CKAP2L: variants seen among roughly 807,000 people sequenced by gnomAD.
CKAP2L encodes the protein cytoskeleton associated protein 2L.
CKAP2L carries 42 observed loss-of-function variants against 65.7 expected under a neutral mutation model. The observed-to-expected ratio is 0.64, with a 90% CI of 0.50 to 0.83. The LOEUF is 0.83. CKAP2L is among the 40% of genes least tolerant of loss of function. CKAP2L has a pLI of 0.00. For synonymous variants in CKAP2L, 325 were observed against 313.5 expected (o/e 1.04, Z -0.39); for missense variants, 908 against 871.0 (o/e 1.04, Z -0.53).
intron 6 of CKAP2L, among the ~76,000 whole-genome samples, chr2:112,746,081 A>G (rs1289498707): frequency 6.6e-6 from 1 of 152,236 alleles, no homozygotes; most frequent in Non-Finnish European, 1.5e-5. Context: ...CATTATGGAA[A>G]AAGGTATCAC....
intron 4 of CKAP2L, among the ~76,000 whole-genome samples, chr2:112,755,098 T>C (rs529007997): frequency 9.2e-5 from 14 of 152,302 alleles, no homozygotes; most frequent in African/African-American, 3.1e-4. Context: ...TTAGCAACCA[T>C]CTAATTTTAC....
intron 6 of CKAP2L, among the ~76,000 whole-genome samples, chr2:112,745,448 C>T (rs184853143): frequency 1.6e-4 from 24 of 151,102 alleles, no homozygotes; most frequent in African/African-American, 5.8e-4. Flanking sequence ...GGCCCGATCT[C>T]GGCTCACTGC....
At chr2:112,749,495 T>C (rs2104872859) in intron 5 of CKAP2L, among the ~76,000 whole-genome samples, 1 of 152,304 alleles carries the variant, frequency 6.6e-6, no homozygotes, top group African/African-American at 2.4e-5. Context: ...TTGGAACATT[T>C]ACCAAGAATG....
chr2:112,762,797 T>G (rs546480530), intron 1 of CKAP2L, among the ~76,000 whole-genome samples: 1 of 152,134 alleles, frequency 6.6e-6, no homozygotes, highest in South Asian at 2.1e-4. Flanking sequence ...TTTTTTTTTT[T>G]TTTTGAGACA....
chr2:112,739,398 G>A (rs923809022), intron 8 of CKAP2L, among the ~76,000 whole-genome samples: 1 of 152,134 alleles, frequency 6.6e-6, no homozygotes, highest in African/African-American at 2.4e-5. Flanking sequence ...TCCAGTCTGG[G>A]CAACATGGCA....
chr2:112,758,857 T>C (rs772727028), intron 3 of CKAP2L, among the ~76,000 whole-genome samples: 4 of 152,182 alleles, frequency 2.6e-5, no homozygotes, highest in Non-Finnish European at 5.9e-5. Flanking sequence ...TTCATCACCC[T>C]AGAAAGAAAC....
chr2:112,746,151 T>G (rs1680192569), intron 6 of CKAP2L, among the ~76,000 whole-genome samples: 1 of 152,162 alleles, frequency 6.6e-6, no homozygotes, highest in African/African-American at 2.4e-5. Context: ...ATAAAACTAT[T>G]TGATGCAGTT....
Position 112,738,573 on chromosome 2 carries a change from G to A in CKAP2L, c.*250C>T. 1 of 491,614 alleles carries A rather than the reference G, an allele frequency of 2.0e-6. No homozygotes were observed. Among genetic ancestry groups the A allele is most frequent in the Non-Finnish European group, 3.6e-6 (1 of 276,770 alleles). 30.5% of individuals were successfully genotyped at this position (491,614 alleles called of 1,614,324 possible). A position where few individuals can be genotyped will look rare whatever the true frequency, so the allele number is the denominator to read the frequency against. ...TAAAGTATAAATATTTATCATAGTTGTAGGGTAAATATTCAAAAGTTTGAA... is the reference window on the plus strand; with the variant it reads ...TAAAGTATAAATATTTATCATAGTTATAGGGTAAATATTCAAAAGTTTGAA... On this transcript the variant is annotated 3_prime_UTR_variant, in exon 9 of 9. Coordinates refer to ENST00000302450, the MANE Select transcript of CKAP2L (RefSeq NM_152515.5).
chr2:112,755,996 C>T lies in CKAP2L; in HGVS notation c.1375G>A (p.Ala459Thr). Residue 459 changes from alanine (A) to threonine (T), a missense_variant, in exon 4 of 9, where the codon GCA (alanine) becomes ACA (threonine). Physicochemically the swap from Ala to Thr is moderately conservative, Grantham distance 58. Transcript: ENST00000302450. Reference protein sequence around the residue: ...TQTNPNIKKKATAEDRRKQLE... With the variant: ...TQTNPNIKKKTTAEDRRKQLE... ...AAGTACCTTCGATCCTCTGCTGTTGCCTTCTTTTTAATATTTGGGTTTGTT... is the reference window on the plus strand; with the variant it reads ...AAGTACCTTCGATCCTCTGCTGTTGTCTTCTTTTTAATATTTGGGTTTGTT... 1.3e-6 allele frequency: 2 copies of T among 1,586,906 alleles called. No individual in the cohort carries two copies. The highest frequency in any genetic ancestry group is 2.2e-5 in the East Asian group (1 of 44,654).
intron 8 of CKAP2L, 52 bp downstream of exon 8, chr2:112,740,766 T>G (rs982834496): frequency 1.4e-6 from 2 of 1,452,450 alleles, no homozygotes; most frequent in Non-Finnish European, 1.9e-6. Context: ...AAATCGAGAC[T>G]TGGACTAGAA....
chr2:112,739,936 G>A (rs1370182191), intron 8 of CKAP2L, among the ~76,000 whole-genome samples: 1 of 152,034 alleles, frequency 6.6e-6, no homozygotes, highest in Non-Finnish European at 1.5e-5. Flanking sequence ...TTACAGGCAT[G>A]AGCCACCATG....
In CKAP2L at chr2:112,741,006, C is replaced by T; in HGVS notation, c.1824G>A (p.Gly608=). The T allele has an allele frequency of 1.2e-6, 2 of 1,601,742 alleles. No homozygotes were observed. The highest frequency in any genetic ancestry group is 1.7e-6 in the Non-Finnish European group (2 of 1,169,778). ...ILQDSNRTTE[G]ITSDSLVAET... ...CAGCAACTAAAGAGTCAGAAGTAAT[C>T]CCTGTGTATGTAAGATCATGAAGGA... The change falls in exon 8 of 9, where the codon GGG becomes GGA. Residue 608 remains glycine (G), a splice_region_variant and synonymous_variant. Coordinates refer to ENST00000302450, the MANE Select transcript of CKAP2L (RefSeq NM_152515.5).
intron 3 of CKAP2L, 127 bp from the exon 4 acceptor site, chr2:112,757,341 A>G: frequency 1.5e-6 from 1 of 684,482 alleles, no homozygotes; most frequent in Non-Finnish European, 2.3e-6. Flanking sequence ...AGAAAGTTGA[A>G]TCCTCAGAAA....
At chr2:112,747,906 T>C (rs1033838957) in intron 5 of CKAP2L, among the ~76,000 whole-genome samples, 2 of 152,198 alleles carry the variant, frequency 1.3e-5, no homozygotes, top group African/African-American at 4.8e-5. Flanking sequence ...GAATGGGCTG[T>C]TATGAAAAAT....
intron 4 of CKAP2L, 43 bp downstream of exon 4, chr2:112,755,934 T>G (rs772563617): frequency 1.3e-6 from 2 of 1,514,190 alleles, no homozygotes; most frequent in East Asian, 4.5e-5. Flanking sequence ...TCAATTTGCC[T>G]AATCATCTTA....
At chr2:112,761,535 G>A (rs182165540) in intron 2 of CKAP2L, among the ~76,000 whole-genome samples, 1 of 151,592 alleles carries the variant, frequency 6.6e-6, no homozygotes. Context: ...AACTTTAAGG[G>A]GGTAAAGAAA....
In CKAP2L at chr2:112,752,204, G is replaced by A; in HGVS notation, c.1602+63C>T. 2.6e-6 allele frequency: 3 copies of A among 1,167,594 alleles called. No individual in the cohort carries two copies. The South Asian group carries it at 4.0e-5, about 16-fold the overall frequency. 72.3% of individuals were successfully genotyped at this position (1,167,594 alleles called of 1,614,324 possible). On this transcript the variant is annotated intron_variant, in intron 5 of 8. Transcript: ENST00000302450. ...GCTATCTCTCCTATATTATATTTAG[G>A]AATATGTTTAAAAATTATAAGACTT...
At chr2:112,752,187 T>G in intron 5 of CKAP2L, 80 bp downstream of exon 5, 1 of 987,574 alleles carries the variant, frequency 1.0e-6, no homozygotes, top group South Asian at 1.5e-5. Context: ...AGGCTATCTC[T>G]CCTATATTAT....
chr2:112,747,649 A>G (rs1227196569), intron 5 of CKAP2L, among the ~76,000 whole-genome samples: 2 of 152,318 alleles, frequency 1.3e-5, no homozygotes, highest in African/African-American at 2.4e-5. Flanking sequence ...GGGGAGCACT[A>G]CCATGCCCAG....
Sources: gnomAD v4.1 joint callset for allele counts (sites outside exome capture counted in the v4.1 genomes callset) on GRCh38, gnomAD v4.1.1 for gene constraint, MANE v1.5 for transcripts, NCBI Gene and HGNC (gene_info 2026-07-23, HGNC 2026-07-21) for gene names.